COL15A1: variants seen among roughly 807,000 people sequenced by gnomAD.
The protein encoded by COL15A1 is collagen alpha-1(XV) chain.
COL15A1 carries 111 observed loss-of-function variants against 165.9 expected under a neutral mutation model. The observed-to-expected ratio is 0.67, with a 90% CI of 0.57 to 0.78. The LOEUF (loss-of-function observed/expected upper bound fraction) is 0.78. Among genes scored for constraint, COL15A1 ranks in the 30% least tolerant of loss-of-function variants. The probability of loss-of-function intolerance (pLI) is 0.00; values close to 1 mark genes in which losing one functional copy is unlikely to be tolerated. For missense variants in COL15A1, 1,745 were observed against 1,789.7 expected (o/e 0.98, Z 0.45); for synonymous variants, 659 against 674.8 (o/e 0.98, Z 0.36).
Position 99,056,307 on chromosome 9 carries a change from T to C in COL15A1, c.3240T>C (p.Ala1080=). The C allele has an allele frequency of 6.2e-7, 1 of 1,614,148 alleles. No homozygotes were observed. Among genetic ancestry groups the C allele is most frequent in the Non-Finnish European group, 8.5e-7 (1 of 1,180,022 alleles). The change falls in exon 35 of 42, where the codon GCT becomes GCC. Residue 1080 remains alanine (A), a synonymous_variant. Coordinates refer to ENST00000375001, the MANE Select transcript of COL15A1 (RefSeq NM_001855.5). ...TVVGPQGPPG[A]PGLPGPPGFG... ...TTGGGCCCCAAGGACCCCCAGGTGCTCCTGGTCTGCCTGGGCCACCTGGCT... is the reference window on the plus strand; with the variant it reads ...TTGGGCCCCAAGGACCCCCAGGTGCCCCTGGTCTGCCTGGGCCACCTGGCT...
At chr9:99,039,700 G>A (rs72737288) in intron 22 of COL15A1, among the ~76,000 whole-genome samples, 14,865 of 152,174 alleles carry the variant, frequency 0.098, 897 homozygotes, top group Middle Eastern at 0.15. Flanking sequence ...GAGCCTTGAG[G>A]TTGCAGCCCC....
intron 2 of COL15A1, 144 bp from the exon 3 acceptor site, chr9:98,985,421 A>G: frequency 1.2e-6 from 1 of 804,310 alleles, no homozygotes; most frequent in Non-Finnish European, 1.9e-6. Flanking sequence ...CGTTGTCAAA[A>G]CGTTTGAAAA....
At chr9:99,061,298 TG>T (rs1825811092) in intron 36 of COL15A1, among the ~76,000 whole-genome samples, 1 of 152,230 alleles carries the variant, frequency 6.6e-6, no homozygotes, top group Non-Finnish European at 1.5e-5. Flanking sequence ...TCAGTTACAA[TG>T]AAAAATAAAA....
At chr9:98,947,246 A>G (rs1362488113) in intron 2 of COL15A1, among the ~76,000 whole-genome samples, 1 of 152,246 alleles carries the variant, frequency 6.6e-6, no homozygotes, top group African/African-American at 2.4e-5. Context: ...CAATGCTACA[A>G]CAACATGGAT....
rs754801702 is a variant in COL15A1 at position 99,035,355 on chromosome 9, C to T, written c.2226C>T (p.Thr742=). ...GCTMGLGFED[T]EGSGSTQLLN... is the part of the protein sequence containing the mutation. ...CATTCTTGCTCCTTCCCCAGGATAC[C>T]GAAGGCTCTGGAAGCACCCAGCTAT... Residue 742 remains threonine, a synonymous_variant, in exon 19 of 42, where the codon ACC becomes ACT. Transcript: ENST00000375001. 5.0e-6 allele frequency: 8 copies of T among 1,614,022 alleles called. No homozygotes were observed. The Admixed American group carries it at 5.0e-5, about 10-fold the overall frequency.
intron 9 of COL15A1, among the ~76,000 whole-genome samples, chr9:99,006,183 A>G (rs1838759431): frequency 6.6e-6 from 1 of 152,092 alleles, no homozygotes; most frequent in African/African-American, 2.4e-5. Context: ...GTCATTCCAG[A>G]CTGTGAACTC....
intron 34 of COL15A1, 94 bp from the exon 35 acceptor site, chr9:99,056,166 T>C (rs1192245484): frequency 6.9e-6 from 9 of 1,298,336 alleles, no homozygotes; most frequent in Non-Finnish European, 8.9e-6. Flanking sequence ...CTGGTGTTTA[T>C]TGATTTCTTT....
intron 11 of COL15A1, 143 bp downstream of exon 11, chr9:99,016,262 G>A: frequency 2.0e-6 from 2 of 1,006,044 alleles, no homozygotes; most frequent in Non-Finnish European, 2.8e-6. Flanking sequence ...CATTTGAGGA[G>A]CTTTAACCTG....
chr9:99,036,247 G>C, intron 20 of COL15A1, 42 bp downstream of exon 20: 1 of 1,613,862 alleles, frequency 6.2e-7, no homozygotes, highest in Non-Finnish European at 8.5e-7. Context: ...GGGCTTTCCA[G>C]CCTGGTTCTG....
intron 16 of COL15A1, among the ~76,000 whole-genome samples, chr9:99,026,945 T>C (rs911055081): frequency 2.6e-5 from 4 of 152,196 alleles, no homozygotes; most frequent in Non-Finnish European, 4.4e-5. Context: ...TCTATTAGTG[T>C]TTGATGCATG....
chr9:98,946,935 A>G (rs1220489132), intron 2 of COL15A1, among the ~76,000 whole-genome samples: 1 of 152,238 alleles, frequency 6.6e-6, no homozygotes, highest in African/African-American at 2.4e-5. Flanking sequence ...TTCTGAAAGC[A>G]TGTTTGTAAG....
chr9:99,062,195 G>A (rs1371480009), intron 37 of COL15A1, 50 bp from the exon 38 acceptor site: 1 of 1,598,876 alleles, frequency 6.3e-7, no homozygotes, highest in South Asian at 1.1e-5. Context: ...TTTTGAAATG[G>A]GAGAAGTTTG....
intron 39 of COL15A1, among the ~76,000 whole-genome samples, chr9:99,064,784 T>C (rs1342710172): frequency 4.6e-5 from 7 of 152,128 alleles, no homozygotes; most frequent in Non-Finnish European, 8.8e-5. Flanking sequence ...AAGATTCTAG[T>C]TGGTTGAAGA....
At position 99,032,043 on chromosome 9, in the gene COL15A1, C is replaced by T. The variant is rs1839219610; in HGVS notation, c.2044-2506C>T. The stretch of plus-strand genomic sequence containing the variant: ...CTTCCAACATCCGGTGTTGTCAGCA[C>T]AAAGTCAGATTCACTCTGGTTCTCA... On this transcript the variant is annotated intron_variant, in intron 16 of 41. Coordinates refer to ENST00000375001, the MANE Select transcript of COL15A1 (RefSeq NM_001855.5). Among the ~76,000 whole-genome samples, 3 of 152,078 alleles carry T rather than the reference C, an allele frequency of 2.0e-5. No homozygotes were observed. The South Asian group carries it at 6.2e-4, about 32-fold the overall frequency.
chr9:99,043,096 G>C (rs1839438723), intron 24 of COL15A1, among the ~76,000 whole-genome samples: 2 of 152,126 alleles, frequency 1.3e-5, no homozygotes, highest in African/African-American at 2.4e-5. Context: ...CTGCCATGGG[G>C]AGTCAAGGAG....
chr9:98,959,760 A>T (rs1168452740), intron 2 of COL15A1, among the ~76,000 whole-genome samples: 1 of 152,168 alleles, frequency 6.6e-6, no homozygotes, highest in African/African-American at 2.4e-5. Context: ...GTCCTCTAGC[A>T]TGGCTTCTCA....
At chr9:99,062,995 A>G in intron 38 of COL15A1, 55 bp from the exon 39 acceptor site, 4 of 1,561,974 alleles carry the variant, frequency 2.6e-6, no homozygotes, top group Non-Finnish European at 3.4e-6. Flanking sequence ...ATACACTCTG[A>G]AGAACAGATT....
chr9:98,977,905 G>A (rs1838167007), intron 2 of COL15A1, among the ~76,000 whole-genome samples: 1 of 152,194 alleles, frequency 6.6e-6, no homozygotes, highest in African/African-American at 2.4e-5. Context: ...GCAAAGGAGG[G>A]GTCTCATCCC....
At chr9:99,057,030 T>A (rs1825731209) in intron 35 of COL15A1, among the ~76,000 whole-genome samples, 1 of 152,274 alleles carries the variant, frequency 6.6e-6, no homozygotes, top group African/African-American at 2.4e-5. Context: ...AGTTTTTATG[T>A]GAACATGTTT....
Sources: allele counts gnomAD v4.1 joint callset (sites outside exome capture counted in the v4.1 genomes callset), GRCh38; gene constraint gnomAD v4.1.1; transcripts MANE v1.5; gene names NCBI Gene and HGNC (gene_info 2026-07-23, HGNC 2026-07-21).